PRKCH: variants seen among roughly 807,000 people sequenced by gnomAD.
PRKCH encodes the protein protein kinase C eta.
In PRKCH, 28 loss-of-function variants were observed where a neutral mutation model predicts 82.5. The ratio of observed to expected loss-of-function variants is 0.34; its 90% confidence interval spans 0.25 to 0.47. The LOEUF (loss-of-function observed/expected upper bound fraction) is 0.47, where lower values mean the gene tolerates loss of function less well. Ranked by LOEUF, PRKCH falls within the 20% of genes least tolerant of loss-of-function variation. The pLI, the probability that PRKCH is intolerant of heterozygous loss-of-function variation, is 1.00. For synonymous variants in PRKCH, 322 were observed against 327.4 expected (o/e 0.98, Z 0.18); for missense variants, 705 against 881.8 (o/e 0.80, Z 2.54).
intron 9 of PRKCH, among the ~76,000 whole-genome samples, chr14:61,484,736 T>C (rs535831329): frequency 1.3e-5 from 2 of 151,054 alleles, no homozygotes; most frequent in African/African-American, 4.9e-5. Context: ...CCAATGTGGA[T>C]GCTACTGTGA....
At chr14:61,500,109 C>T (rs145073765) in intron 10 of PRKCH, among the ~76,000 whole-genome samples, 7 of 150,904 alleles carry the variant, frequency 4.6e-5, no homozygotes, top group African/African-American at 1.2e-4. Context: ...TGACTTGTCA[C>T]GTTCTTCTCT....
chr14:61,324,042 T>TA (rs1314973039), intron 1 of PRKCH, among the ~76,000 whole-genome samples: 11 of 152,202 alleles, frequency 7.2e-5, no homozygotes, highest in Non-Finnish European at 1.2e-4. Context: ...CAGGGACCTT[T>TA]AAAAAATCCC....
At chr14:61,365,357 A>T (rs551020066) in intron 1 of PRKCH, among the ~76,000 whole-genome samples, 1 of 152,146 alleles carries the variant, frequency 6.6e-6, no homozygotes, top group Non-Finnish European at 1.5e-5. Flanking sequence ...AATATAACTT[A>T]TAATAATACT....
At position 61,213,388 on chromosome 14, in the gene PRKCH, C is replaced by T. The variant is rs2044596091; in HGVS notation, c.-19+25720C>T. 2.0e-5 allele frequency among the ~76,000 whole-genome samples: 3 copies of T among 152,172 alleles called. No homozygotes were observed. In the South Asian group the frequency reaches 6.2e-4, roughly 32 times the overall value. ...CTATAAAATCCCATCCATGCCTCAG[C>T]AGGGAGAGGAGAATGCAGAGTTGCC... is the stretch of plus-strand genomic sequence containing the variant. On this transcript the variant is annotated intron_variant, in intron 1 of 3. Transcript: ENST00000555185.
At chr14:61,527,174 T>C (rs895741879) in intron 10 of PRKCH, among the ~76,000 whole-genome samples, 2 of 152,178 alleles carry the variant, frequency 1.3e-5, no homozygotes, top group Non-Finnish European at 2.9e-5. Context: ...CCTTGAGGAC[T>C]CTTTACCAAA....
At chr14:61,193,913 C>G (rs1002018413) in intron 1 of PRKCH, among the ~76,000 whole-genome samples, 5 of 152,208 alleles carry the variant, frequency 3.3e-5, no homozygotes, top group African/African-American at 1.2e-4. Context: ...AAACACATTG[C>G]TTTCCCAGGC....
intron 1 of PRKCH, among the ~76,000 whole-genome samples, chr14:61,225,624 T>C (rs1182236404): frequency 1.3e-5 from 2 of 152,252 alleles, no homozygotes; most frequent in Non-Finnish European, 2.9e-5. Flanking sequence ...GTAAGTGTCG[T>C]CTGCTCTGTT....
chr14:61,345,832 A>G (rs1003151584), intron 1 of PRKCH, among the ~76,000 whole-genome samples: 5 of 149,632 alleles, frequency 3.3e-5, no homozygotes, highest in African/African-American at 1.2e-4. Context: ...TGAGCCCAGG[A>G]GTTTGAGACC....
intron 1 of PRKCH, among the ~76,000 whole-genome samples, chr14:61,202,667 C>T (rs1012958862): frequency 6.6e-6 from 1 of 151,790 alleles, no homozygotes; most frequent in Non-Finnish European, 1.5e-5. Flanking sequence ...ATCACAATAG[C>T]CAAGTGAGGT....
At chr14:61,487,222 A>C (rs1295535557) in intron 10 of PRKCH, among the ~76,000 whole-genome samples, 3 of 152,154 alleles carry the variant, frequency 2.0e-5, no homozygotes, top group African/African-American at 7.2e-5. Flanking sequence ...TGCATTTATC[A>C]CAGCCTCACG....
intron 9 of PRKCH, among the ~76,000 whole-genome samples, chr14:61,470,215 T>TC (rs1457256173): frequency 6.6e-6 from 1 of 151,926 alleles, no homozygotes; most frequent in Non-Finnish European, 1.5e-5. Flanking sequence ...CTTGGTACTG[T>TC]CTCTGGTTAG....
chr14:61,386,895 C>G (rs1173716843), intron 1 of PRKCH, among the ~76,000 whole-genome samples: 5 of 152,162 alleles, frequency 3.3e-5, no homozygotes, highest in Admixed American at 6.5e-5. Flanking sequence ...AACCCCTACT[C>G]AAACTGGCTA....
intron 2 of PRKCH, among the ~76,000 whole-genome samples, chr14:61,430,377 C>T (rs1594697259): frequency 6.6e-6 from 1 of 152,100 alleles, no homozygotes; most frequent in Admixed American, 6.6e-5. Flanking sequence ...ATGGTACAAC[C>T]GCTTTGAAAA....
intron 2 of PRKCH, among the ~76,000 whole-genome samples, chr14:61,410,644 G>A (rs1882215393): frequency 6.6e-6 from 1 of 152,204 alleles, no homozygotes. Flanking sequence ...TACTCCTTCT[G>A]CAGTCCCCAG....
At chr14:61,219,529 C>A (rs1423441986) in intron 1 of PRKCH, among the ~76,000 whole-genome samples, 1 of 152,158 alleles carries the variant, frequency 6.6e-6, no homozygotes, top group African/African-American at 2.4e-5. Flanking sequence ...AGTTAGTTAG[C>A]CTCATGAGTA....
At chr14:61,250,263 A>G (rs1488574118) in intron 1 of PRKCH, among the ~76,000 whole-genome samples, 1 of 151,368 alleles carries the variant, frequency 6.6e-6, no homozygotes, top group Non-Finnish European at 1.5e-5. Flanking sequence ...ATAAATAAAT[A>G]AATAAATAAA....
chr14:61,293,155 C>T (rs2045378210), intron 1 of PRKCH, among the ~76,000 whole-genome samples: 1 of 152,180 alleles, frequency 6.6e-6, no homozygotes, highest in African/African-American at 2.4e-5. Context: ...CAGGTGGGTA[C>T]CAACTGTCTG....
chr14:61,472,727 CAAAACA>C, intron 9 of PRKCH, among the ~76,000 whole-genome samples: 1 of 152,162 alleles, frequency 6.6e-6, no homozygotes, highest in African/African-American at 2.4e-5. Context: ...AAAAAAACAA[CAAAACA>C]AAAAGTAGAA....
intron 2 of PRKCH, among the ~76,000 whole-genome samples, chr14:61,415,994 G>C (rs537390486): frequency 4.0e-5 from 6 of 150,492 alleles, no homozygotes; most frequent in Non-Finnish European, 8.8e-5. Context: ...GGGTTCACCC[G>C]TGTGGTAGCA....
Sources: gnomAD v4.1 joint callset for allele counts (sites outside exome capture counted in the v4.1 genomes callset) on GRCh38, gnomAD v4.1.1 for gene constraint, MANE v1.5 for transcripts, NCBI Gene and HGNC (gene_info 2026-07-23, HGNC 2026-07-21) for gene names.